The following FKBP8 variants were observed in gnomAD, a reference collection of about 807,000 sequenced individuals.
The protein encoded by FKBP8 is peptidyl-prolyl cis-trans isomerase FKBP8.
FKBP8 carries 5 observed loss-of-function variants against 41.7 expected under a neutral mutation model. That is an observed-to-expected ratio of 0.12 (90% CI 0.06 to 0.25). The LOEUF (loss-of-function observed/expected upper bound fraction) is 0.25. Among genes scored for constraint, FKBP8 ranks in the 10% least tolerant of loss-of-function variants. The probability of loss-of-function intolerance (pLI) is 1.00; values close to 1 mark genes in which losing one functional copy is unlikely to be tolerated. For missense variants in FKBP8, 397 were observed against 563.0 expected (o/e 0.71, Z 2.98); for synonymous variants, 279 against 254.5 (o/e 1.10, Z -0.92).
chr19:18,532,165 G>A lies in FKBP8; in HGVS notation c.*4C>T, dbSNP rs1440968015. 1.3e-6 allele frequency: 2 copies of A among 1,594,722 alleles called. No homozygotes were observed. The highest frequency in any genetic ancestry group is 1.7e-6 in the Non-Finnish European group (2 of 1,171,718). ...TGCAGAGGGGGTGGCAGCCACCTAG[G>A]TGGTCAGTTCCTGGCAGCGATGACC... On this transcript the variant is annotated 3_prime_UTR_variant, in exon 9 of 9. Coordinates refer to ENST00000608443, the MANE Select transcript of FKBP8 (RefSeq NM_012181.5).
intron 2 of FKBP8, among the ~76,000 whole-genome samples, chr19:18,541,017 T>C (rs963327343): frequency 4.6e-5 from 7 of 152,184 alleles, no homozygotes; most frequent in African/African-American, 1.4e-4. Context: ...ATCTTATTAT[T>C]TGCATGGGCA....
At chr19:18,542,832 G>T in intron 1 of FKBP8, 1 of 1,125,674 alleles carries the variant, frequency 8.9e-7, no homozygotes, top group South Asian at 1.3e-5. Flanking sequence ...CCCAAGCTCA[G>T]AAGAGTGTGG....
intron 4 of FKBP8, 145 bp downstream of exon 4, chr19:18,539,226 T>C (rs1976646720): frequency 2.7e-6 from 2 of 732,778 alleles, no homozygotes; most frequent in Non-Finnish European, 4.6e-6. Context: ...CCCAAAGTGC[T>C]GGGATTTCAG....
At chr19:18,534,456 T>C (rs527406079) in intron 6 of FKBP8, among the ~76,000 whole-genome samples, 1 of 152,250 alleles carries the variant, frequency 6.6e-6, no homozygotes, top group African/African-American at 2.4e-5. Flanking sequence ...TAGCTTGGCA[T>C]TGGTCCCCGC....
chr19:18,533,141 T>A, intron 7 of FKBP8, 129 bp downstream of exon 7: 1 of 875,688 alleles, frequency 1.1e-6, no homozygotes, highest in Non-Finnish European at 1.7e-6. Flanking sequence ...CCAGGACCCT[T>A]CAGGTACCTA....
chr19:18,538,538 G>A lies in FKBP8; in HGVS notation c.552-102C>T, dbSNP rs73527474. 12,371 of 923,858 alleles carry A rather than the reference G, an allele frequency of 0.013. 990 individuals are homozygous for A. The African/African-American group carries it at 0.17, about 13-fold the overall frequency. 57.2% of individuals were successfully genotyped at this position (923,858 alleles called of 1,614,324 possible). ...TGAGCTTGGCTCAAGCCCCCGATCTGTCTCCCCTCTGCCCTCCATCATTCC... is the reference window on the plus strand; with the variant it reads ...TGAGCTTGGCTCAAGCCCCCGATCTATCTCCCCTCTGCCCTCCATCATTCC... On this transcript the variant is annotated intron_variant, in intron 4 of 8. Transcript: ENST00000608443. The surrounding 1 kb of genome is among the most constrained non-coding windows in gnomAD (Gnocchi z 4.0).
chr19:18,532,477 C>T lies in FKBP8; in HGVS notation c.1155+187G>A, dbSNP rs146641396. On this transcript the variant is annotated intron_variant, in intron 8 of 8. Coordinates refer to ENST00000608443, the MANE Select transcript of FKBP8 (RefSeq NM_012181.5). ...GCCCTGGAAGAGGCTCCACAGTCCA[C>T]CCCCAGCCCTCCAGCTTGAGTTCCA... 3.0e-4 allele frequency: 305 copies of T among 1,014,524 alleles called. No individual in the cohort carries two copies. In the African/African-American group the frequency reaches 4.3e-3, roughly 14 times the overall value. 62.8% of individuals were successfully genotyped at this position (1,014,524 alleles called of 1,614,324 possible).
intron 1 of FKBP8, chr19:18,542,240 T>C (rs1976719657): frequency 2.2e-6 from 1 of 461,164 alleles, no homozygotes; most frequent in Non-Finnish European, 3.8e-6. Context: ...TATTATTTAA[T>C]GTTTACAAAT....
intron 2 of FKBP8, among the ~76,000 whole-genome samples, chr19:18,540,886 AAGT>A (rs1036995245): frequency 1.3e-5 from 2 of 152,016 alleles, no homozygotes; most frequent in South Asian, 2.1e-4. Flanking sequence ...AAAAAAAAAA[AAGT>A]AGTAAGATTT....
At position 18,537,474 on chromosome 19, in the gene FKBP8, T is replaced by C; in HGVS notation, c.945+127A>G. On this transcript the variant is annotated intron_variant, in intron 6 of 8. Transcript: ENST00000608443. This position sits in a 1 kb window ranked among gnomAD's most constrained non-coding sequence, Gnocchi z 4.4. ...ACTCCTGCACCCGTCTGGGCCTCAG[T>C]TTCTCCACCTGCACCCCACAGAGCT... is the stretch of plus-strand genomic sequence containing the variant. 1.2e-6 allele frequency: 1 copy of C among 857,748 alleles called. No individual in the cohort carries two copies. The highest frequency in any genetic ancestry group is 3.0e-5 in the East Asian group (1 of 33,398). The allele number at this position is 857,748 out of a possible 1,614,324, so 53.1% of individuals were successfully genotyped here. A position where few individuals can be genotyped will look rare whatever the true frequency, so the allele number is the denominator to read the frequency against.
intron 1 of FKBP8, chr19:18,542,973 G>C: frequency 9.7e-7 from 1 of 1,027,850 alleles, no homozygotes; most frequent in Non-Finnish European, 1.2e-6. Context: ...CGCACAATTC[G>C]GCCTCCCCTC....
intron 3 of FKBP8, 41 bp downstream of exon 3, chr19:18,539,510 G>C (rs1217502754): frequency 1.2e-6 from 2 of 1,611,144 alleles, no homozygotes; most frequent in African/African-American, 1.3e-5. Context: ...ACCCAGCAAG[G>C]CACGCCCCTC....
Position 18,538,729 on chromosome 19 carries a change from C to G in FKBP8, c.552-293G>C, listed in dbSNP as rs1316442468. 6.6e-6 allele frequency among the ~76,000 whole-genome samples: 1 copy of G among 151,284 alleles called. No homozygotes were observed. The highest frequency in any genetic ancestry group is 2.4e-5 in the African/African-American group (1 of 41,040). On this transcript the variant is annotated intron_variant, in intron 4 of 8. Coordinates refer to ENST00000608443, the MANE Select transcript of FKBP8 (RefSeq NM_012181.5). This position sits in a 1 kb window ranked among gnomAD's most constrained non-coding sequence, Gnocchi z 4.0. Reference sequence around the variant, plus strand: ...GTGGTGCAATCTTGGCTCACTGCAGCCTCAAAAACGTGGGCTCAAGTGATC... The same window carrying G: ...GTGGTGCAATCTTGGCTCACTGCAGGCTCAAAAACGTGGGCTCAAGTGATC...
chr19:18,532,077 C>G lies in FKBP8; in HGVS notation c.*92G>C. ...CCCTAACCCGGAGGAGGGGGCCAGA[C>G]CAGGGAGGGCAGTGGACAGGGAGCC... On this transcript the variant is annotated 3_prime_UTR_variant, in exon 9 of 9. Coordinates refer to ENST00000608443, the MANE Select transcript of FKBP8 (RefSeq NM_012181.5). The G allele has an allele frequency of 8.6e-7, 1 of 1,159,506 alleles. No individual in the cohort carries two copies. Among genetic ancestry groups the G allele is most frequent in the Non-Finnish European group, 1.3e-6 (1 of 794,420 alleles). 71.8% of individuals were successfully genotyped at this position (1,159,506 alleles called of 1,614,324 possible).
chr19:18,542,222 G>C, intron 1 of FKBP8: 5 of 515,838 alleles, frequency 9.7e-6, no homozygotes, highest in Non-Finnish European at 1.3e-5. Flanking sequence ...GCCATTATTA[G>C]AGCTAATTAT....
intron 1 of FKBP8, chr19:18,543,033 C>T (rs1458117222): frequency 1.7e-5 from 8 of 483,576 alleles, no homozygotes; most frequent in African/African-American, 2.4e-5. Context: ...CAGCTCCCCC[C>T]ACAGCCGCTC....
intron 6 of FKBP8, among the ~76,000 whole-genome samples, chr19:18,534,090 G>T (rs118126615): frequency 0.028 from 4,279 of 151,010 alleles, 94 homozygotes; most frequent in Non-Finnish European, 0.038. Flanking sequence ...CGGATCAAGA[G>T]GTCAGGACGT....
chr19:18,539,233 T>TCAGGTGTGAGCCACCTCACCCAGCCTC (rs1214306578), intron 4 of FKBP8, 138 bp downstream of exon 4: 2 of 765,468 alleles, frequency 2.6e-6, no homozygotes, highest in Admixed American at 4.8e-5. Flanking sequence ...TGCTGGGATT[T>TCAGGTGTGAGCCACCTCACCCAGCCTC]CAGGTGTGAG....
Position 18,532,071 on chromosome 19 carries a change from G to T in FKBP8, c.*98C>A. On this transcript the variant is annotated 3_prime_UTR_variant, in exon 9 of 9. Transcript: ENST00000608443. ...TTGCTCCCCTAACCCGGAGGAGGGG[G>T]CCAGACCAGGGAGGGCAGTGGACAG... 2.8e-6 allele frequency: 3 copies of T among 1,086,398 alleles called. No individual in the cohort carries two copies. Among genetic ancestry groups the T allele is most frequent in the Non-Finnish European group, 4.1e-6 (3 of 729,326 alleles). 67.3% of individuals were successfully genotyped at this position (1,086,398 alleles called of 1,614,324 possible).
Sources: allele counts gnomAD v4.1 joint callset (sites outside exome capture counted in the v4.1 genomes callset), GRCh38; gene constraint gnomAD v4.1.1; non-coding constraint Gnocchi (gnomAD v3.1); transcripts MANE v1.5; gene names NCBI Gene and HGNC (gene_info 2026-07-23, HGNC 2026-07-21).